Variants in SVIL observed in about 807,000 individuals in gnomAD.
SVIL encodes the protein supervillin.
Under a neutral mutation model 240.4 loss-of-function variants are expected in SVIL, and 101 were observed. That is an observed-to-expected ratio of 0.42 (90% confidence interval 0.36 to 0.50). The LOEUF (loss-of-function observed/expected upper bound fraction) is 0.50, where lower values mean the gene tolerates loss of function less well. Among genes scored for constraint, SVIL ranks in the 20% least tolerant of loss-of-function variants. The pLI is 0.01. For missense variants in SVIL, 2,512 were observed against 2,818.7 expected (o/e 0.89, Z 2.46); for synonymous variants, 999 against 1,100.0 (o/e 0.91, Z 1.82).
chr10:29,524,813 C>T, intron 13 of SVIL, 98 bp from the exon 14 acceptor site: 1 of 1,555,680 alleles, frequency 6.4e-7, no homozygotes, highest in Non-Finnish European at 8.7e-7. Flanking sequence ...CATCATTTTG[C>T]AAAGGGCTTC....
intron 1 of SVIL, among the ~76,000 whole-genome samples, chr10:29,605,591 G>A (rs1001126367): frequency 1.3e-5 from 2 of 150,138 alleles, no homozygotes; most frequent in African/African-American, 4.9e-5. Flanking sequence ...TTCCAGAAAT[G>A]TCTATATTAA....
chr10:29,717,553 A>C lies in SVIL; in HGVS notation c.-400+18198T>G, dbSNP rs190716085. On this transcript the variant is annotated intron_variant, in intron 1 of 35. Transcript: ENST00000375400. ...GGGGAATACTTTGTTGATATTGATA[A>C]ATTTAGAGTTAGTTTTTCCATTTTT... is the stretch of plus-strand genomic sequence containing the variant. Among the ~76,000 whole-genome samples, 23 of 152,300 alleles carry C rather than the reference A, an allele frequency of 1.5e-4. No homozygotes were observed. In the East Asian group the frequency reaches 4.0e-3, roughly 27 times the overall value.
chr10:29,495,233 T>C, intron 18 of SVIL, 52 bp from the exon 19 acceptor site: 1 of 1,099,026 alleles, frequency 9.1e-7, no homozygotes, highest in Non-Finnish European at 1.3e-6. Flanking sequence ...CTTCTGGAAA[T>C]CTCCGGGACC....
rs1564493121 is a variant in SVIL at position 29,484,732 on chromosome 10, A to G, written c.4879T>C (p.Trp1627Arg). 4 of 1,614,106 alleles carry G rather than the reference A, an allele frequency of 2.5e-6. No individual in the cohort carries two copies. Among genetic ancestry groups the G allele is most frequent in the South Asian group, 1.1e-5 (1 of 91,072 alleles). ...KIAFQLAKHL[W>R]NGTFDYENCD... ...TTCTCATAGTCAAAGGTTCCATTCC[A>G]TAAGTGCTTTGCCAGCTGAAATGCT... is the stretch of plus-strand genomic sequence containing the variant. Residue 1627 changes from tryptophan (W) to arginine (R), a missense_variant, in exon 27 of 38, where the codon TGG becomes CGG. Physicochemically the swap from Trp to Arg is moderately radical, Grantham distance 101 (BLOSUM62 -3). Coordinates refer to ENST00000355867, the MANE Select transcript of SVIL (RefSeq NM_021738.3). This position sits in a 1 kb window ranked among gnomAD's most constrained non-coding sequence, Gnocchi z 4.7.
intron 1 of SVIL, chr10:29,602,232 A>T (rs11007666): frequency 1.9e-6 from 1 of 527,668 alleles, no homozygotes; most frequent in Non-Finnish European, 3.9e-6. Flanking sequence ...ATGATGTTTC[A>T]TGAAGTGCCC....
At chr10:29,552,275 C>T (rs1270605375) in intron 5 of SVIL, among the ~76,000 whole-genome samples, 1 of 151,690 alleles carries the variant, frequency 6.6e-6, no homozygotes, top group African/African-American at 2.4e-5. Flanking sequence ...AATGTTTTCC[C>T]AGCTGGCTCA....
chr10:29,482,021 C>CTTTT (rs35856299), intron 27 of SVIL, among the ~76,000 whole-genome samples: 82 of 113,430 alleles, frequency 7.2e-4, no homozygotes, highest in African/African-American at 2.0e-3. Flanking sequence ...CTTTTCTTTT[C>CTTTT]TTTTTTTTTT....
rs1030352519 is a variant in SVIL, at chr10:29,474,088, G to T, written c.5378-99C>A. The T allele has an allele frequency of 1.0e-5, 15 of 1,487,450 alleles. No homozygotes were observed. The Admixed American group carries it at 3.0e-4, about 29-fold the overall frequency. The allele number at this position is 1,487,450 out of a possible 1,614,324, so 92.1% of individuals were successfully genotyped here. On this transcript the variant is annotated intron_variant, in intron 29 of 37. Transcript: ENST00000355867. ...TTCCCCGGGCCTGCAAGGACCAGTGGCAAAGAGCCTCGGACCTAGGGCAGG... is the reference window on the plus strand; with the variant it reads ...TTCCCCGGGCCTGCAAGGACCAGTGTCAAAGAGCCTCGGACCTAGGGCAGG...
At chr10:29,552,337 G>A (rs1005163527) in intron 5 of SVIL, among the ~76,000 whole-genome samples, 3 of 151,658 alleles carry the variant, frequency 2.0e-5, no homozygotes, top group African/African-American at 7.3e-5. Flanking sequence ...TCACGAAGCA[G>A]GCAGATCACG....
intron 29 of SVIL, chr10:29,475,352 T>C (rs1325689262): frequency 6.6e-6 from 1 of 152,246 alleles, no homozygotes; most frequent in African/African-American, 2.4e-5. Context: ...TCCAAATCTC[T>C]ACCTGTAAGA....
intron 1 of SVIL, among the ~76,000 whole-genome samples, chr10:29,590,373 T>C (rs1956344918): frequency 6.6e-6 from 1 of 152,130 alleles, no homozygotes; most frequent in Non-Finnish European, 1.5e-5. Context: ...CACTCAGCCT[T>C]GACGGTATAT....
rs1217887761 is a variant in SVIL at position 29,532,605 on chromosome 10, G to A, written c.1762C>T (p.Leu588=). The part of the protein sequence containing the change: ...TEGPYGEISM[L]DTKVSVAQLR... Reference sequence around the variant, plus strand: ...TGGGCGACAGAGACTTTTGTGTCCAGCATGCTGATCTCCCCATAAGGCCCT... The same window carrying A: ...TGGGCGACAGAGACTTTTGTGTCCAACATGCTGATCTCCCCATAAGGCCCT... Residue 588 remains leucine (L), a synonymous_variant, in exon 8 of 38, where the codon CTG becomes TTG. Transcript: ENST00000355867. 2 of 1,613,986 alleles carry A rather than the reference G, an allele frequency of 1.2e-6. No homozygotes were observed. The highest frequency in any genetic ancestry group is 1.3e-5 in the African/African-American group (1 of 74,938).
chr10:29,721,260 A>AC (rs56355102), intron 1 of SVIL, among the ~76,000 whole-genome samples: 3 of 98,872 alleles, frequency 3.0e-5, no homozygotes, highest in Non-Finnish European at 7.7e-5. Context: ...AAACAAACAA[A>AC]AAAACACCTC....
At chr10:29,559,601 A>G (rs1194704769) in intron 3 of SVIL, among the ~76,000 whole-genome samples, 1 of 152,210 alleles carries the variant, frequency 6.6e-6, no homozygotes, top group Non-Finnish European at 1.5e-5. Flanking sequence ...CGATGGTCTA[A>G]TTTCCATTTT....
At chr10:29,577,192 T>A (rs1390854791) in intron 1 of SVIL, among the ~76,000 whole-genome samples, 3 of 152,342 alleles carry the variant, frequency 2.0e-5, no homozygotes, top group South Asian at 2.1e-4. Flanking sequence ...AATGATTTTT[T>A]AAATTTTAAT....
intron 32 of SVIL, 115 bp downstream of exon 32, chr10:29,470,161 C>T (rs1945391439): frequency 2.5e-6 from 3 of 1,202,840 alleles, no homozygotes; most frequent in East Asian, 2.4e-5. Context: ...CCATCCTTTG[C>T]TGCAGTCACT....
At chr10:29,554,647 C>T in intron 5 of SVIL, 136 bp downstream of exon 5, 4 of 1,170,212 alleles carry the variant, frequency 3.4e-6, no homozygotes, top group Non-Finnish European at 4.5e-6. Context: ...AGAGTGAAAC[C>T]TTGTGCTAAA....
At chr10:29,490,048 A>G (rs1225760070) in intron 22 of SVIL, among the ~76,000 whole-genome samples, 4 of 152,128 alleles carry the variant, frequency 2.6e-5, no homozygotes, top group African/African-American at 9.7e-5. Context: ...AGAATGATGG[A>G]ACCCCACATT....
At chr10:29,558,840 A>C (rs1589250263) in intron 3 of SVIL, among the ~76,000 whole-genome samples, 1 of 150,994 alleles carries the variant, frequency 6.6e-6, no homozygotes, top group East Asian at 1.9e-4. Context: ...AGGCAGGAGA[A>C]TTGCTTGAAC....
Sources: allele counts gnomAD v4.1 joint callset (sites outside exome capture counted in the v4.1 genomes callset), GRCh38; gene constraint gnomAD v4.1.1; non-coding constraint Gnocchi (gnomAD v3.1); transcripts MANE v1.5; gene names NCBI Gene and HGNC (gene_info 2026-07-23, HGNC 2026-07-21).